SYNJ2BP: variants seen among roughly 807,000 people sequenced by gnomAD.
SYNJ2BP encodes synaptojanin-2-binding protein.
In SYNJ2BP, 10 loss-of-function variants were observed where a neutral mutation model predicts 16.9. The ratio of observed to expected loss-of-function variants is 0.59; its 90% CI spans 0.36 to 1.00. SYNJ2BP has a LOEUF of 1.00. Among genes scored for constraint, SYNJ2BP ranks in the 50% least tolerant of loss-of-function variants. The probability of loss-of-function intolerance (pLI) is 0.01; values close to 1 mark genes in which losing one functional copy is unlikely to be tolerated. For missense variants in SYNJ2BP, 162 were observed against 186.7 expected (o/e 0.87, Z 0.77); for synonymous variants, 54 against 68.4 (o/e 0.79, Z 1.04).
At position 70,397,586 on chromosome 14, in the gene SYNJ2BP, G is replaced by A. The variant is rs114702239; in HGVS notation, c.65-8980C>T. Among the ~76,000 whole-genome samples, 1,441 of 152,272 alleles carry A rather than the reference G, an allele frequency of 9.5e-3. 15 individuals carry two copies. The highest frequency in any genetic ancestry group is 0.032 in the African/African-American group (1,349 of 41,542). On this transcript the variant is annotated intron_variant, in intron 1 of 3. Coordinates refer to ENST00000256366, the MANE Select transcript of SYNJ2BP (RefSeq NM_018373.3). ...GCTACAGCTGGACCAGGCGTAGCGCGAGCAGCTTCTACAGCTGGCACTGGG... is the reference window on the plus strand; with the variant it reads ...GCTACAGCTGGACCAGGCGTAGCGCAAGCAGCTTCTACAGCTGGCACTGGG...
chr14:70,415,446 G>C (rs1175102629), intron 1 of SYNJ2BP, among the ~76,000 whole-genome samples: 1 of 151,664 alleles, frequency 6.6e-6, no homozygotes, highest in Non-Finnish European at 1.5e-5. Context: ...GGTTACTCAG[G>C]AGGCTGAGGT....
At chr14:70,405,909 C>G (rs1226476979) in intron 1 of SYNJ2BP, among the ~76,000 whole-genome samples, 1 of 152,150 alleles carries the variant, frequency 6.6e-6, no homozygotes, top group African/African-American at 2.4e-5. Context: ...CCTTTCTATT[C>G]AAGAGTAAAG....
At chr14:70,404,715 C>G (rs1222645441) in intron 1 of SYNJ2BP, among the ~76,000 whole-genome samples, 8 of 152,156 alleles carry the variant, frequency 5.3e-5, no homozygotes. Flanking sequence ...ACAAGAGAAA[C>G]AATTCTAAAT....
chr14:70,383,165 G>A (rs758742485), intron 2 of SYNJ2BP, among the ~76,000 whole-genome samples: 4 of 152,194 alleles, frequency 2.6e-5, no homozygotes, highest in Non-Finnish European at 5.9e-5. Flanking sequence ...CTTATTAGAT[G>A]CTTACTCAGG....
At chr14:70,388,069 T>A (rs1248547640) in intron 2 of SYNJ2BP, among the ~76,000 whole-genome samples, 1 of 152,180 alleles carries the variant, frequency 6.6e-6, no homozygotes, top group African/African-American at 2.4e-5. Flanking sequence ...TGTTTTGTGA[T>A]GTTAAATCCA....
At chr14:70,382,196 G>A (rs558327948) in intron 2 of SYNJ2BP, among the ~76,000 whole-genome samples, 2 of 152,228 alleles carry the variant, frequency 1.3e-5, no homozygotes, top group African/African-American at 2.4e-5. Flanking sequence ...AGATTGCGCC[G>A]ATGCATTCCA....
chr14:70,406,218 T>A (rs769054760), intron 1 of SYNJ2BP, among the ~76,000 whole-genome samples: 64 of 152,142 alleles, frequency 4.2e-4, no homozygotes, highest in Non-Finnish European at 7.5e-4. Flanking sequence ...CTTTGCAGAA[T>A]AACACACCCA....
At chr14:70,411,202 A>G (rs1888465329) in intron 1 of SYNJ2BP, among the ~76,000 whole-genome samples, 2 of 152,220 alleles carry the variant, frequency 1.3e-5, no homozygotes, top group Non-Finnish European at 1.5e-5. Context: ...ATAATGCAGA[A>G]GTCAAGGTTT....
Position 70,370,351 on chromosome 14 carries a change from A to G in SYNJ2BP, c.*2640T>C, listed in dbSNP as rs1262383292. 6.6e-6 allele frequency: 1 copy of G among 152,196 alleles called. No individual in the cohort carries two copies. The allele number at this position is 152,196 out of a possible 1,614,324, so 9.4% of individuals were successfully genotyped here. On this transcript the variant is annotated 3_prime_UTR_variant, in exon 4 of 4. Coordinates refer to ENST00000256366, the MANE Select transcript of SYNJ2BP (RefSeq NM_018373.3). ...ACATGCCTTCAGGAACAGAAAGGGT[A>G]CCAGAGGCTGTGCCCTCCTAGTGTG...
intron 2 of SYNJ2BP, among the ~76,000 whole-genome samples, chr14:70,385,396 G>A (rs533810162): frequency 6.6e-5 from 10 of 151,502 alleles, no homozygotes; most frequent in East Asian, 1.9e-4. Flanking sequence ...TCACTCCGTC[G>A]CCCAGGCTGG....
intron 2 of SYNJ2BP, among the ~76,000 whole-genome samples, chr14:70,382,368 A>C (rs1221659942): frequency 1.3e-5 from 2 of 152,222 alleles, no homozygotes; most frequent in African/African-American, 4.8e-5. Context: ...ACACACACAC[A>C]CTCATTTGAC....
intron 1 of SYNJ2BP, among the ~76,000 whole-genome samples, chr14:70,399,983 C>T (rs1888201098): frequency 6.6e-6 from 1 of 152,180 alleles, no homozygotes; most frequent in Non-Finnish European, 1.5e-5. Context: ...TTCACCCCTA[C>T]AATTGTCAAA....
At chr14:70,415,587 A>C (rs2139458027) in intron 1 of SYNJ2BP, among the ~76,000 whole-genome samples, 1 of 152,096 alleles carries the variant, frequency 6.6e-6, no homozygotes, top group South Asian at 2.1e-4. Context: ...AAAGAAAGAA[A>C]AGAAAAGAAG....
At chr14:70,401,228 T>C (rs1888228507) in intron 1 of SYNJ2BP, among the ~76,000 whole-genome samples, 1 of 152,220 alleles carries the variant, frequency 6.6e-6, no homozygotes, top group African/African-American at 2.4e-5. Context: ...ACCTACTTTA[T>C]AATTGTCTTG....
intron 1 of SYNJ2BP, among the ~76,000 whole-genome samples, chr14:70,413,955 C>T (rs2140879382): frequency 6.6e-6 from 1 of 152,260 alleles, no homozygotes; most frequent in South Asian, 2.1e-4. Context: ...AAAAGAAATG[C>T]ATACTTAGAG....
At chr14:70,404,201 T>C (rs902636479) in intron 1 of SYNJ2BP, among the ~76,000 whole-genome samples, 1 of 151,484 alleles carries the variant, frequency 6.6e-6, no homozygotes, top group African/African-American at 2.4e-5. Flanking sequence ...CAGGGCATGG[T>C]GGTGCACTAC....
At chr14:70,409,464 A>G (rs1200863416) in intron 1 of SYNJ2BP, among the ~76,000 whole-genome samples, 2 of 152,208 alleles carry the variant, frequency 1.3e-5, no homozygotes, top group South Asian at 2.1e-4. Context: ...GGCTAGTCAC[A>G]TGGCTTCGCA....
chr14:70,378,944 T>C (rs950543839), intron 2 of SYNJ2BP, among the ~76,000 whole-genome samples: 2 of 152,228 alleles, frequency 1.3e-5, no homozygotes, highest in Non-Finnish European at 2.9e-5. Flanking sequence ...AAATACGTAA[T>C]TGACTATTCC....
Position 70,368,358 on chromosome 14 carries a change from C to G in SYNJ2BP, c.*4633G>C, listed in dbSNP as rs144956697. On this transcript the variant is annotated 3_prime_UTR_variant, in exon 4 of 4. Coordinates refer to ENST00000256366, the MANE Select transcript of SYNJ2BP (RefSeq NM_018373.3). Reference sequence around the variant, plus strand: ...AGTAGACTAAGATAAAATGGGTAGTCTGTGTATTCATGTAGTGAATATATT... The same window carrying G: ...AGTAGACTAAGATAAAATGGGTAGTGTGTGTATTCATGTAGTGAATATATT... 28 of 152,306 alleles carry G rather than the reference C, an allele frequency of 1.8e-4. No homozygotes were observed. Among genetic ancestry groups the G allele is most frequent in the African/African-American group, 6.5e-4 (27 of 41,568 alleles). 9.4% of individuals were successfully genotyped at this position (152,306 alleles called of 1,614,324 possible). A position where few individuals can be genotyped will look rare whatever the true frequency, so the allele number is the denominator to read the frequency against.
Sources: allele counts gnomAD v4.1 joint callset (sites outside exome capture counted in the v4.1 genomes callset), GRCh38; gene constraint gnomAD v4.1.1; transcripts MANE v1.5; gene names NCBI Gene and HGNC (gene_info 2026-07-23, HGNC 2026-07-21).